PLD5: variants seen among roughly 807,000 people sequenced by gnomAD.
PLD5 encodes phospholipase D family member 5.
In PLD5, 36 loss-of-function variants were observed where a neutral mutation model predicts 61.1. The ratio of observed to expected loss-of-function variants is 0.59; its 90% CI spans 0.45 to 0.78. The LOEUF (loss-of-function observed/expected upper bound fraction) is 0.78. PLD5 is among the 30% of genes least tolerant of loss of function. PLD5 has a pLI of 0.00. For synonymous variants in PLD5, 243 were observed against 242.8 expected (o/e 1.00, Z -0.01); for missense variants, 515 against 644.4 (o/e 0.80, Z 2.17).
chr1:242,501,066 T>G (rs1668539671), intron 1 of PLD5, among the ~76,000 whole-genome samples: 1 of 152,130 alleles, frequency 6.6e-6, no homozygotes, highest in Non-Finnish European at 1.5e-5. Flanking sequence ...TTAGTATGAG[T>G]AGGTATGTCA....
intron 5 of PLD5, chr1:242,209,017 G>A (rs572759075): frequency 1.2e-4 from 19 of 152,236 alleles, no homozygotes; most frequent in Admixed American, 7.2e-4. Flanking sequence ...AAGAGGATTC[G>A]TTTGAAAAGT....
chr1:242,375,530 G>C (rs748818129), intron 1 of PLD5, among the ~76,000 whole-genome samples: 2 of 152,124 alleles, frequency 1.3e-5, no homozygotes, highest in Non-Finnish European at 2.9e-5. Flanking sequence ...CCTGACAGCA[G>C]CAAGACCTTT....
intron 3 of PLD5, among the ~76,000 whole-genome samples, chr1:242,277,870 C>G (rs1270653497): frequency 2.6e-5 from 4 of 152,138 alleles, no homozygotes; most frequent in Non-Finnish European, 5.9e-5. Flanking sequence ...GTACTCTCAG[C>G]TACTTGGCAG....
At chr1:242,162,338 C>A (rs1665905461) in intron 5 of PLD5, among the ~76,000 whole-genome samples, 1 of 152,130 alleles carries the variant, frequency 6.6e-6, no homozygotes, top group South Asian at 2.1e-4. Context: ...TTCATTGTTA[C>A]ACTCCATCAG....
intron 5 of PLD5, among the ~76,000 whole-genome samples, chr1:242,183,731 A>G (rs1028815972): frequency 6.6e-6 from 1 of 152,002 alleles, no homozygotes; most frequent in Non-Finnish European, 1.5e-5. Flanking sequence ...CGTCTCTACT[A>G]AAAATACAAA....
At chr1:242,133,908 T>TGCAGTA (rs1663499890) in intron 5 of PLD5, among the ~76,000 whole-genome samples, 1 of 152,214 alleles carries the variant, frequency 6.6e-6, no homozygotes, top group Non-Finnish European at 1.5e-5. Context: ...TTGCAGTACT[T>TGCAGTA]TAATTTCATC....
intron 4 of PLD5, among the ~76,000 whole-genome samples, chr1:242,222,642 C>G (rs1280559216): frequency 1.3e-5 from 2 of 152,226 alleles, no homozygotes; most frequent in Admixed American, 1.3e-4. Context: ...CACAGGTCCC[C>G]TGCAGCCCCA....
At chr1:242,306,752 C>T (rs34087088) in intron 2 of PLD5, among the ~76,000 whole-genome samples, 407 of 2,688 alleles carry the variant, frequency 0.15, no homozygotes, top group Non-Finnish European at 0.47. Flanking sequence ...CACACACACA[C>T]ACACACACAC....
chr1:242,172,767 A>G (rs1330424910), intron 5 of PLD5, among the ~76,000 whole-genome samples: 2 of 152,212 alleles, frequency 1.3e-5, no homozygotes, highest in Non-Finnish European at 2.9e-5. Flanking sequence ...CATATAGACC[A>G]GAAAATCTAG....
chr1:242,115,123 A>C (rs1661839226), intron 6 of PLD5, among the ~76,000 whole-genome samples: 1 of 152,180 alleles, frequency 6.6e-6, no homozygotes, highest in Admixed American at 6.5e-5. Flanking sequence ...GGTTGCAGTG[A>C]GCCGAGATTG....
intron 5 of PLD5, among the ~76,000 whole-genome samples, chr1:242,192,735 T>A (rs1409779399): frequency 1.3e-5 from 2 of 152,152 alleles, no homozygotes; most frequent in African/African-American, 2.4e-5. Context: ...ATTGAAGATG[T>A]TGAAGTTCTC....
At chr1:242,261,463 T>G (rs1002458477) in intron 4 of PLD5, among the ~76,000 whole-genome samples, 1 of 152,150 alleles carries the variant, frequency 6.6e-6, no homozygotes, top group Non-Finnish European at 1.5e-5. Flanking sequence ...GTATACAGGA[T>G]GCAGTAAGCA....
chr1:242,416,233 A>G (rs1226341391), intron 1 of PLD5, among the ~76,000 whole-genome samples: 2 of 152,144 alleles, frequency 1.3e-5, no homozygotes, highest in Non-Finnish European at 2.9e-5. Flanking sequence ...GAAGATAATC[A>G]GAAAAGCTAT....
At chr1:242,166,315 G>C (rs950768430) in intron 5 of PLD5, among the ~76,000 whole-genome samples, 10 of 152,202 alleles carry the variant, frequency 6.6e-5, no homozygotes, top group Non-Finnish European at 1.5e-5. Flanking sequence ...GCCAAAAGAA[G>C]CGTTCCATAA....
intron 1 of PLD5, among the ~76,000 whole-genome samples, chr1:242,464,951 A>C (rs1558586114): frequency 6.6e-6 from 1 of 152,242 alleles, no homozygotes; most frequent in Non-Finnish European, 1.5e-5. Flanking sequence ...GAATATGTAA[A>C]TCTACAGAAG....
chr1:242,316,174 A>T (rs1296776411), intron 2 of PLD5, among the ~76,000 whole-genome samples: 1 of 152,242 alleles, frequency 6.6e-6, no homozygotes, highest in East Asian at 1.9e-4. Flanking sequence ...TTATGTAATA[A>T]ATGCCAGTTG....
At chr1:242,466,778 A>C (rs902933177) in intron 1 of PLD5, among the ~76,000 whole-genome samples, 1 of 152,004 alleles carries the variant, frequency 6.6e-6, no homozygotes, top group Admixed American at 6.6e-5. Context: ...CTGCACTTCC[A>C]GTTACTGGGG....
intron 9 of PLD5, among the ~76,000 whole-genome samples, chr1:242,099,075 C>T (rs182968718): frequency 6.6e-6 from 1 of 152,252 alleles, no homozygotes; most frequent in South Asian, 2.1e-4. Context: ...AACCACCACT[C>T]TCTTCAAAGC....
intron 1 of PLD5, among the ~76,000 whole-genome samples, chr1:242,445,298 T>C (rs1006292909): frequency 2.8e-4 from 43 of 152,226 alleles, no homozygotes; most frequent in African/African-American, 9.9e-4. Flanking sequence ...GCTAAAACCC[T>C]GATCTTGGAT....
Sources: gnomAD v4.1 joint callset for allele counts (sites outside exome capture counted in the v4.1 genomes callset) on GRCh38, gnomAD v4.1.1 for gene constraint, MANE v1.5 for transcripts, NCBI Gene and HGNC (gene_info 2026-07-23, HGNC 2026-07-21) for gene names.